The following PTPRF variants were observed in gnomAD, a reference collection of about 807,000 sequenced individuals.
The protein encoded by PTPRF is protein tyrosine phosphatase receptor type F, also known as receptor-type tyrosine-protein phosphatase F.
PTPRF carries 59 observed loss-of-function variants against 201.8 expected under a neutral mutation model. That is an observed-to-expected ratio of 0.29 (90% confidence interval 0.24 to 0.36). The LOEUF (loss-of-function observed/expected upper bound fraction) is 0.36, where lower values mean the gene tolerates loss of function less well. Ranked by LOEUF, PTPRF falls within the 10% of genes least tolerant of loss-of-function variation. The pLI is 1.00. For synonymous variants in PTPRF, 1,088 were observed against 1,089.7 expected (o/e 1.00, Z 0.03); for missense variants, 2,132 against 2,690.5 (o/e 0.79, Z 4.59).
rs753604708 is a variant in PTPRF at position 43,620,459 on chromosome 1, A to G, written c.5244A>G (p.Lys1748=). ...LTKLREMGRE[K]CHQYWPAERS... ...GCCCGACCCTCTGTCCACAGGAGAAATGCCACCAGTACTGGCCAGCAGAGC... is the reference window on the plus strand; with the variant it reads ...GCCCGACCCTCTGTCCACAGGAGAAGTGCCACCAGTACTGGCCAGCAGAGC... The change falls in exon 31 of 34, where the codon AAA becomes AAG. Residue 1748 remains lysine (K), a synonymous_variant. Transcript: ENST00000359947. 19 of 1,611,988 alleles carry G rather than the reference A, an allele frequency of 1.2e-5. No homozygotes were observed. In the African/African-American group the frequency reaches 2.5e-4, roughly 22 times the overall value.
rs1649891803 is a variant in PTPRF at position 43,588,951 on chromosome 1, C to T, written c.900C>T (p.Ala300=). Residue 300 remains alanine (A), a synonymous_variant, in exon 8 of 34, where the codon GCC becomes GCT. Coordinates refer to ENST00000359947, the MANE Select transcript of PTPRF (RefSeq NM_002840.5). The surrounding 1 kb of genome is among the most constrained non-coding windows in gnomAD (Gnocchi z 5.3). ...GCTCTGCCAACTACACCTGTGTGGC[C>T]ATCTCCTCGCTGGGCATGATCGAGG... is the stretch of plus-strand genomic sequence containing the variant. ...VVRSANYTCV[A]ISSLGMIEAT... is the part of the protein sequence containing the mutation. 5 of 1,586,476 alleles carry T rather than the reference C, an allele frequency of 3.2e-6. No homozygotes were observed. Among genetic ancestry groups the T allele is most frequent in the African/African-American group, 2.7e-5 (2 of 74,592 alleles).
chr1:43,612,261 C>A lies in PTPRF; in HGVS notation c.3974-1357C>A, dbSNP rs115831709. On this transcript the variant is annotated intron_variant, in intron 22 of 33. Coordinates refer to ENST00000359947, the MANE Select transcript of PTPRF (RefSeq NM_002840.5). ...CCACGTCCTGTGGGCAGAAGTGTTG[C>A]AGTGAGCAGCGTGGCAAGTGGGGGC... is the stretch of plus-strand genomic sequence containing the variant. Among the ~76,000 whole-genome samples the A allele has an allele frequency of 3.5e-3, 533 of 152,160 alleles. 5 individuals carry two copies. Among genetic ancestry groups the A allele is most frequent in the African/African-American group, 0.012 (509 of 41,486 alleles).
At chr1:43,575,141 T>C (rs1646837410) in intron 6 of PTPRF, among the ~76,000 whole-genome samples, 2 of 152,210 alleles carry the variant, frequency 1.3e-5, no homozygotes, top group South Asian at 4.2e-4. Context: ...TCAGAGAAGG[T>C]ACCTGTTGGG....
In PTPRF at chr1:43,605,444, G is replaced by A; in HGVS notation, c.3389+1G>A. ...ATGTGCAAGACCCCTCGCTTGTCAG[G>A]TGTGCACACGAGGTATCGGGGGAGG... On this transcript the variant is annotated splice_donor_variant, in intron 18 of 33. Transcript: ENST00000359947. LOFTEE classifies it high-confidence loss of function. The A allele has an allele frequency of 6.2e-7, 1 of 1,609,642 alleles. No homozygotes were observed. Among genetic ancestry groups the A allele is most frequent in the Non-Finnish European group, 8.5e-7 (1 of 1,176,306 alleles).
At position 43,589,076 on chromosome 1, in the gene PTPRF, G is replaced by T. The variant is rs1011389893; in HGVS notation, c.949+76G>T. ...CCTGGTGGTGGGCGAATGTGAGCTG[G>T]CTGCCATGGGCACAGGCATGGCTGA... On this transcript the variant is annotated intron_variant, in intron 8 of 33. Coordinates refer to ENST00000359947, the MANE Select transcript of PTPRF (RefSeq NM_002840.5). 1.4e-5 allele frequency: 20 copies of T among 1,436,658 alleles called. No individual in the cohort carries two copies. The African/African-American group carries it at 2.7e-4, about 20-fold the overall frequency. 89.0% of individuals were successfully genotyped at this position (1,436,658 alleles called of 1,614,324 possible).
chr1:43,576,273 A>T (rs1230638313), intron 6 of PTPRF, among the ~76,000 whole-genome samples: 2 of 152,218 alleles, frequency 1.3e-5, no homozygotes, highest in African/African-American at 4.8e-5. Flanking sequence ...TAGACAGAAG[A>T]GCTTCCCTTG....
intron 11 of PTPRF, among the ~76,000 whole-genome samples, chr1:43,595,747 T>TG (rs1217244080): frequency 2.0e-5 from 3 of 151,268 alleles, no homozygotes; most frequent in African/African-American, 4.9e-5. Context: ...GCAAGTACGG[T>TG]GGGGGGGTTG....
At chr1:43,536,640 G>A (rs926489306) in intron 1 of PTPRF, among the ~76,000 whole-genome samples, 2 of 152,226 alleles carry the variant, frequency 1.3e-5, no homozygotes, top group African/African-American at 4.8e-5. Context: ...AGGCCCTGCG[G>A]GCATCTCTAG....
upstream of PTPRF, among the ~76,000 whole-genome samples, chr1:43,529,727 G>C (rs2153944017): frequency 6.6e-6 from 1 of 152,290 alleles, no homozygotes; most frequent in East Asian, 1.9e-4. Context: ...GGGGTCTGGA[G>C]GCAGGGGCGC....
chr1:43,599,074 G>A (rs1452764290), intron 13 of PTPRF, among the ~76,000 whole-genome samples, 161 bp downstream of exon 13: 1 of 152,188 alleles, frequency 6.6e-6, no homozygotes, highest in Non-Finnish European at 1.5e-5. Flanking sequence ...GCAGCATCAG[G>A]GGTTAGGCTG....
intron 10 of PTPRF, among the ~76,000 whole-genome samples, 161 bp downstream of exon 10, chr1:43,592,109 G>A (rs991558364): frequency 3.3e-5 from 5 of 152,212 alleles, no homozygotes; most frequent in East Asian, 1.9e-4. Context: ...CATGTGGCCC[G>A]CACAGCCTGT....
rs895328726 is a variant in PTPRF, at chr1:43,617,737, C to T, written c.4197C>T (p.Gly1399=). 3.1e-6 allele frequency: 5 copies of T among 1,611,764 alleles called. No individual in the cohort carries two copies. The highest frequency in any genetic ancestry group is 1.1e-5 in the South Asian group (1 of 90,924). Residue 1399 remains glycine, a splice_region_variant and synonymous_variant, in exon 25 of 34, where the codon GGC becomes GGT. Transcript: ENST00000359947. ...HSRVILTSID[G]VPGSDYINAN... ...TCCCACCTCCTTTCTTATCCATAGG[C>T]GTCCCCGGGAGTGACTACATCAATG...
chr1:43,553,760 G>T lies in PTPRF; in HGVS notation c.238-40G>T. 6.2e-7 allele frequency: 1 copy of T among 1,613,584 alleles called. No homozygotes were observed. Among genetic ancestry groups the T allele is most frequent in the Non-Finnish European group, 8.5e-7 (1 of 1,179,766 alleles). On this transcript the variant is annotated intron_variant, in intron 4 of 33. Coordinates refer to ENST00000359947, the MANE Select transcript of PTPRF (RefSeq NM_002840.5). This position sits in a 1 kb window ranked among gnomAD's most constrained non-coding sequence, Gnocchi z 4.1. Reference sequence around the variant, plus strand: ...CAACTGACCCTGAGCAGGCTCCTGTGTCCTGAGTAGGCTGTGACCCCATGT... The same window carrying T: ...CAACTGACCCTGAGCAGGCTCCTGTTTCCTGAGTAGGCTGTGACCCCATGT...
intron 7 of PTPRF, among the ~76,000 whole-genome samples, chr1:43,584,655 T>G (rs1308282929): frequency 1.3e-5 from 2 of 151,944 alleles, no homozygotes; most frequent in African/African-American, 4.8e-5. Context: ...GCCGGGCTGG[T>G]AATTTGTTTG....
chr1:43,606,868 G>A lies in PTPRF; in HGVS notation c.3757G>A (p.Ala1253Thr). ...TGAGATCGTGGTCCAGGTGACACCA[G>A]CCCAGCAGCAGGAGGAGCCGGAGAT... ...SDEIVVQVTP[A>T]QQQEEPEMLW... The change falls in exon 21 of 34, where the codon GCC becomes ACC. Residue 1253 changes from alanine to threonine, a missense_variant. Coordinates refer to ENST00000359947, the MANE Select transcript of PTPRF (RefSeq NM_002840.5). 1 of 1,614,166 alleles carries A rather than the reference G, an allele frequency of 6.2e-7. No individual in the cohort carries two copies. Among genetic ancestry groups the A allele is most frequent in the Admixed American group, 1.7e-5 (1 of 60,028 alleles).
chr1:43,545,640 T>C (rs991655212), intron 3 of PTPRF, among the ~76,000 whole-genome samples: 1 of 152,106 alleles, frequency 6.6e-6, no homozygotes, highest in African/African-American at 2.4e-5. Context: ...GCTCTTCCCC[T>C]ACGCTGGACC....
intron 14 of PTPRF, among the ~76,000 whole-genome samples, chr1:43,602,850 C>T (rs895280205): frequency 1.3e-5 from 2 of 152,174 alleles, no homozygotes; most frequent in Admixed American, 1.3e-4. Flanking sequence ...CTAGCCCCTC[C>T]CCTGCCTTTC....
chr1:43,559,314 G>T (rs560877666), intron 5 of PTPRF, among the ~76,000 whole-genome samples: 1 of 152,160 alleles, frequency 6.6e-6, no homozygotes, highest in Non-Finnish European at 1.5e-5. Flanking sequence ...TATGGGCTGT[G>T]TATGCAGCGC....
chr1:43,564,556 A>G (rs1037680436), intron 5 of PTPRF, among the ~76,000 whole-genome samples: 4 of 152,064 alleles, frequency 2.6e-5, no homozygotes, highest in African/African-American at 9.7e-5. Context: ...CCACATGCAC[A>G]TGTAGGTTTC....
Sources: gnomAD v4.1 joint callset for allele counts (sites outside exome capture counted in the v4.1 genomes callset) on GRCh38, gnomAD v4.1.1 for gene constraint, Gnocchi (gnomAD v3.1) non-coding constraint, MANE v1.5 for transcripts, NCBI Gene and HGNC (gene_info 2026-07-23, HGNC 2026-07-21) for gene names.